EYA2: variants seen among roughly 807,000 people sequenced by gnomAD.
EYA2 encodes EYA transcriptional coactivator and phosphatase 2, also known as protein phosphatase EYA2.
Under a neutral mutation model 69.2 loss-of-function variants are expected in EYA2, and 31 were observed. That is an observed-to-expected ratio of 0.45 (90% CI 0.34 to 0.60). EYA2 has a LOEUF of 0.60. Ranked by LOEUF, EYA2 falls within the 20% of genes least tolerant of loss-of-function variation. EYA2 has a pLI of 0.02. For missense variants in EYA2, 622 were observed against 701.2 expected, an observed-to-expected ratio of 0.89 and a Z score of 1.28; for synonymous variants, 257 against 279.4, an observed-to-expected ratio of 0.92 and a Z score of 0.80.
chr20:47,061,098 C>T (rs1443660802), intron 5 of EYA2, among the ~76,000 whole-genome samples: 1 of 152,072 alleles, frequency 6.6e-6, no homozygotes, highest in Non-Finnish European at 1.5e-5. Flanking sequence ...AAGTGATCCA[C>T]CCACCTTGGC....
At chr20:47,036,246 T>C (rs1241559065) in intron 5 of EYA2, among the ~76,000 whole-genome samples, 3 of 151,946 alleles carry the variant, frequency 2.0e-5, no homozygotes, top group Admixed American at 2.0e-4. Flanking sequence ...ACTGGCTCCA[T>C]GTGCAAAATG....
intron 1 of EYA2, among the ~76,000 whole-genome samples, chr20:46,897,011 AT>A (rs199931548): frequency 6.2e-4 from 67 of 108,334 alleles, no homozygotes; most frequent in Non-Finnish European, 1.0e-3. Context: ...ATACTTTAGG[AT>A]TTTTTTAAAA....
rs550282920 is a variant in EYA2 at position 46,941,789 on chromosome 20, C to CAAG, written c.-11+46803_-11+46804insAGA. 9.9e-5 allele frequency among the ~76,000 whole-genome samples: 15 copies of CAAG among 152,054 alleles called. No individual in the cohort carries two copies. The East Asian group carries it at 2.5e-3, about 25-fold the overall frequency. On this transcript the variant is annotated intron_variant, in intron 1 of 15. Transcript: ENST00000327619. ...TTTTTTTTTTCTTGAGACAAAGTCT[C>CAAG]ACTCTGTGATCCAGGCTGGAGTGCA...
At chr20:46,944,160 G>T (rs1978330848) in intron 1 of EYA2, among the ~76,000 whole-genome samples, 1 of 152,188 alleles carries the variant, frequency 6.6e-6, no homozygotes, top group East Asian at 1.9e-4. Context: ...CCAGGTGAGG[G>T]CCTGGCTGCT....
chr20:47,094,429 G>A (rs1412781862), intron 8 of EYA2, among the ~76,000 whole-genome samples: 1 of 152,150 alleles, frequency 6.6e-6, no homozygotes. Flanking sequence ...AATATAACTG[G>A]TCCAAAAGAT....
chr20:46,913,919 G>A (rs1023898902), intron 1 of EYA2, among the ~76,000 whole-genome samples: 3 of 152,168 alleles, frequency 2.0e-5, no homozygotes, highest in African/African-American at 7.2e-5. Flanking sequence ...TTTTGGAAAG[G>A]ATGTGACAGA....
chr20:46,919,482 C>A (rs1156807725), intron 1 of EYA2, among the ~76,000 whole-genome samples: 3 of 152,258 alleles, frequency 2.0e-5, no homozygotes, highest in Non-Finnish European at 4.4e-5. Flanking sequence ...GGCTGCTTTC[C>A]TTAAACCTCC....
intron 8 of EYA2, among the ~76,000 whole-genome samples, chr20:47,096,466 A>G (rs1366886064): frequency 6.6e-6 from 1 of 152,200 alleles, no homozygotes; most frequent in Non-Finnish European, 1.5e-5. Context: ...AGGGACTCCC[A>G]TATCGATAGC....
chr20:47,076,363 G>A (rs2031518311), intron 7 of EYA2, among the ~76,000 whole-genome samples: 1 of 152,150 alleles, frequency 6.6e-6, no homozygotes, highest in South Asian at 2.1e-4. Context: ...AACCTTGCCA[G>A]CATCTGTTAT....
chr20:47,060,812 G>A (rs549549588), intron 5 of EYA2, among the ~76,000 whole-genome samples: 20 of 151,642 alleles, frequency 1.3e-4, no homozygotes, highest in Non-Finnish European at 1.5e-5. Context: ...AGAAGTGAAG[G>A]GTCCACAGCT....
intron 9 of EYA2, among the ~76,000 whole-genome samples, chr20:47,132,773 G>A (rs574962830): frequency 2.0e-5 from 3 of 152,240 alleles, no homozygotes; most frequent in East Asian, 3.8e-4. Flanking sequence ...GGCAATGCTT[G>A]TATAAGGGAG....
chr20:47,046,971 G>T (rs181207772), intron 5 of EYA2, among the ~76,000 whole-genome samples: 1 of 152,254 alleles, frequency 6.6e-6, no homozygotes, highest in Admixed American at 6.5e-5. Flanking sequence ...TCAGGCTGGG[G>T]TATGATATCT....
Position 46,949,499 on chromosome 20 carries a change from AG to A in EYA2, c.-10-40501del, listed in dbSNP as rs200765182. On this transcript the variant is annotated intron_variant, in intron 1 of 15. Transcript: ENST00000327619. ...CAAGGAACTGAGAGTCCAGGGTCAG[AG>A]CTCAGTTCAGGTATAGCTGGATCAG... Among the ~76,000 whole-genome samples the A allele has an allele frequency of 5.0e-3, 758 of 152,314 alleles. 9 individuals carry two copies. The highest frequency in any genetic ancestry group is 0.017 in the African/African-American group (718 of 41,568).
At chr20:46,995,376 A>G (rs919923467) in intron 2 of EYA2, among the ~76,000 whole-genome samples, 4 of 152,206 alleles carry the variant, frequency 2.6e-5, no homozygotes, top group African/African-American at 9.7e-5. Context: ...CCCTAAAATC[A>G]TCGCAGTCTG....
intron 7 of EYA2, among the ~76,000 whole-genome samples, chr20:47,077,130 A>G (rs2031546396): frequency 6.6e-6 from 1 of 152,206 alleles, no homozygotes; most frequent in African/African-American, 2.4e-5. Flanking sequence ...GAGCATTGTA[A>G]CTACAAGAAG....
intron 1 of EYA2, among the ~76,000 whole-genome samples, chr20:46,898,394 A>AACACACACACAC (rs3085766): frequency 0.035 from 5,178 of 146,484 alleles, 107 homozygotes; most frequent in Non-Finnish European, 0.048. Flanking sequence ...GTTGACAGAA[A>AACACACACACAC]ACACACACAC....
intron 2 of EYA2, among the ~76,000 whole-genome samples, chr20:46,992,472 G>C (rs1308573840): frequency 6.6e-6 from 1 of 152,150 alleles, no homozygotes; most frequent in Non-Finnish European, 1.5e-5. Flanking sequence ...CATGGAAGTT[G>C]GGGCATGGAG....
At chr20:47,185,103 T>C (rs2034611062) in intron 15 of EYA2, among the ~76,000 whole-genome samples, 1 of 152,072 alleles carries the variant, frequency 6.6e-6, no homozygotes. Context: ...GCCTTGACTG[T>C]TTCCGCTGAC....
At chr20:46,946,256 G>A (rs1978451425) in intron 1 of EYA2, among the ~76,000 whole-genome samples, 1 of 152,196 alleles carries the variant, frequency 6.6e-6, no homozygotes, top group South Asian at 2.1e-4. Context: ...AGCCCTAGGA[G>A]GTCTTGCCCG....
Sources: gnomAD v4.1 joint callset for allele counts (sites outside exome capture counted in the v4.1 genomes callset) on GRCh38, gnomAD v4.1.1 for gene constraint, MANE v1.5 for transcripts, NCBI Gene and HGNC (gene_info 2026-07-23, HGNC 2026-07-21) for gene names.